The following PCDHA7 variants were observed in gnomAD, a reference collection of about 807,000 sequenced individuals.
PCDHA7 encodes protocadherin alpha 7, also known as protocadherin alpha-7.
Under a neutral mutation model 57.2 loss-of-function variants are expected in PCDHA7, and 37 were observed. The ratio of observed to expected loss-of-function variants is 0.65; its 90% confidence interval spans 0.50 to 0.85. PCDHA7 has a LOEUF of 0.85. Ranked by LOEUF, PCDHA7 falls within the 40% of genes least tolerant of loss-of-function variation. The pLI, the probability that PCDHA7 is intolerant of heterozygous loss-of-function variation, is 0.00. For missense variants in PCDHA7, 1,188 were observed against 1,241.8 expected, an observed-to-expected ratio of 0.96 and a Z score of 0.65; for synonymous variants, 553 against 558.8, an observed-to-expected ratio of 0.99 and a Z score of 0.15.
chr5:140,848,211 A>C, intron 1 of PCDHA7: 1 of 353,668 alleles, frequency 2.8e-6, no homozygotes, highest in South Asian at 5.2e-5. Context: ...TCATTACTTA[A>C]GAAAAAATTA....
intron 1 of PCDHA7, among the ~76,000 whole-genome samples, chr5:140,976,713 T>TA (rs1554237898): frequency 6.6e-6 from 1 of 152,216 alleles, no homozygotes; most frequent in Admixed American, 6.5e-5. Flanking sequence ...CTTTGCATTA[T>TA]AGTTCATTTA....
intron 1 of PCDHA7, chr5:140,883,818 T>A (rs1349664661): frequency 6.2e-7 from 1 of 1,612,072 alleles, no homozygotes; most frequent in African/African-American, 1.3e-5. Flanking sequence ...AGCGGCAAGG[T>A]GTACGCGCTG....
chr5:140,884,568 C>T (rs2060268107), intron 1 of PCDHA7: 2 of 1,614,210 alleles, frequency 1.2e-6, no homozygotes, highest in Non-Finnish European at 1.7e-6. Flanking sequence ...CCGCATAAGA[C>T]GGACCTCATG....
In PCDHA7 at chr5:140,882,368, T is replaced by C. The variant is rs781902519; in HGVS notation, c.2355+45630T>C. On this transcript the variant is annotated intron_variant, in intron 1 of 3. Transcript: ENST00000525929. ...GACGGGTAGTGGCCAGCTCCACTAC[T>C]CCGTCCCCGAGGAAGCAAAACACGG... 1.9e-6 allele frequency: 3 copies of C among 1,614,218 alleles called. No individual in the cohort carries two copies. The South Asian group carries it at 3.3e-5, about 18-fold the overall frequency.
intron 1 of PCDHA7, among the ~76,000 whole-genome samples, chr5:140,937,724 AAC>A (rs2091708035): frequency 6.6e-6 from 1 of 152,064 alleles, no homozygotes; most frequent in Non-Finnish European, 1.5e-5. Flanking sequence ...CATCCTGGCT[AAC>A]ACGGTGAAAC....
In PCDHA7 at chr5:141,010,093, T is replaced by A. The variant is rs2098416026; in HGVS notation, c.*156T>A. On this transcript the variant is annotated 3_prime_UTR_variant, in exon 4 of 4. Transcript: ENST00000525929. The stretch of plus-strand genomic sequence containing the variant: ...TTCCCTGTGTCTGTCTAGAACGCAT[T>A]TAACAGGTTTTGTCGTAAAAGCTTT... 4 of 1,612,692 alleles carry A rather than the reference T, an allele frequency of 2.5e-6. No homozygotes were observed. Among genetic ancestry groups the A allele is most frequent in the Non-Finnish European group, 3.4e-6 (4 of 1,179,392 alleles).
intron 1 of PCDHA7, among the ~76,000 whole-genome samples, chr5:140,965,863 A>T (rs1275095146): frequency 6.6e-6 from 1 of 152,218 alleles, no homozygotes; most frequent in Non-Finnish European, 1.5e-5. Flanking sequence ...ACTGAAAATA[A>T]GGGCCACTTG....
intron 3 of PCDHA7, among the ~76,000 whole-genome samples, chr5:141,008,308 TA>T (rs1554261716): frequency 6.6e-6 from 1 of 152,214 alleles, no homozygotes; most frequent in East Asian, 1.9e-4. Flanking sequence ...CCCTAAACTG[TA>T]ATTGAACATA....
chr5:140,901,234 T>A (rs1013983503), intron 1 of PCDHA7, among the ~76,000 whole-genome samples: 4 of 152,156 alleles, frequency 2.6e-5, no homozygotes, highest in African/African-American at 9.7e-5. Context: ...ATATATCCAT[T>A]TTTTTCCTTT....
chr5:140,877,668 C>T, intron 1 of PCDHA7: 1 of 1,613,568 alleles, frequency 6.2e-7, no homozygotes, highest in Non-Finnish European at 8.5e-7. Context: ...TGAGCCGGTG[C>T]GCGCCGGGCA....
intron 1 of PCDHA7, among the ~76,000 whole-genome samples, chr5:140,899,342 C>T (rs1317774028): frequency 6.6e-6 from 1 of 152,044 alleles, no homozygotes; most frequent in African/African-American, 2.4e-5. Context: ...ATAGATAGCT[C>T]TTATTATTTT....
intron 3 of PCDHA7, among the ~76,000 whole-genome samples, chr5:140,996,540 T>C (rs2097730922): frequency 1.3e-5 from 2 of 152,218 alleles, no homozygotes. Flanking sequence ...TGTTTTGATA[T>C]TATGCTGTCA....
At chr5:140,917,262 T>C (rs1222739469) in intron 1 of PCDHA7, among the ~76,000 whole-genome samples, 1 of 151,720 alleles carries the variant, frequency 6.6e-6, no homozygotes, top group Middle Eastern at 3.2e-3. Context: ...CACCTGATGT[T>C]TGGTTTTTGT....
At chr5:140,851,370 T>A in intron 1 of PCDHA7, 1 of 979,252 alleles carries the variant, frequency 1.0e-6, no homozygotes, top group Non-Finnish European at 1.2e-6. Flanking sequence ...AACATCTGAT[T>A]GTTCAGCAAC....
chr5:140,883,259 G>A (rs573584031), intron 1 of PCDHA7: 1 of 1,614,000 alleles, frequency 6.2e-7, no homozygotes, highest in East Asian at 2.2e-5. Flanking sequence ...TATTCCAATG[G>A]CGGGTCATTG....
At chr5:140,932,810 A>G (rs925757508) in intron 1 of PCDHA7, among the ~76,000 whole-genome samples, 1 of 151,958 alleles carries the variant, frequency 6.6e-6, no homozygotes, top group Non-Finnish European at 1.5e-5. Flanking sequence ...CCTTGGAAAC[A>G]TATAAGTGGG....
intron 1 of PCDHA7, chr5:140,966,557 G>T: frequency 2.1e-6 from 1 of 477,538 alleles, no homozygotes; most frequent in Non-Finnish European, 3.5e-6. Context: ...GAGCGGAGGA[G>T]CTGGAATATG....
At chr5:140,862,618 C>T in intron 1 of PCDHA7, 1 of 526,556 alleles carries the variant, frequency 1.9e-6, no homozygotes, top group East Asian at 5.1e-5. Context: ...AGGTAACAAC[C>T]CGCGGGGCTG....
At chr5:140,849,659 C>T in intron 1 of PCDHA7, 4 of 1,598,722 alleles carry the variant, frequency 2.5e-6, no homozygotes, top group Non-Finnish European at 3.4e-6. Flanking sequence ...TTACCTGCTC[C>T]CTGACGCCCC....
Sources: allele counts gnomAD v4.1 joint callset (sites outside exome capture counted in the v4.1 genomes callset), GRCh38; gene constraint gnomAD v4.1.1; transcripts MANE v1.5; gene names NCBI Gene and HGNC (gene_info 2026-07-23, HGNC 2026-07-21).